Variants in CCDC148 observed in about 807,000 individuals in gnomAD.
The protein encoded by CCDC148 is coiled-coil domain-containing protein 148.
A neutral mutation model predicts 85.7 loss-of-function variants in CCDC148; 89 were observed. The observed-to-expected ratio is 1.04, with a 90% CI of 0.87 to 1.24. The LOEUF (loss-of-function observed/expected upper bound fraction) is 1.24, where lower values mean the gene tolerates loss of function less well. CCDC148 is among the 50% of genes most tolerant of loss of function. The probability of loss-of-function intolerance (pLI) is 0.00; values close to 1 mark genes in which losing one functional copy is unlikely to be tolerated. For synonymous variants in CCDC148, 230 were observed against 213.9 expected (o/e 1.08, Z -0.66); for missense variants, 692 against 671.7 (o/e 1.03, Z -0.33).
At chr2:158,196,378 G>A (rs1167299621) in intron 11 of CCDC148, among the ~76,000 whole-genome samples, 3 of 152,036 alleles carry the variant, frequency 2.0e-5, no homozygotes, top group Non-Finnish European at 4.4e-5. Flanking sequence ...AGGCTATGGT[G>A]GGATATTTAC....
chr2:158,211,371 G>C (rs1036461770), intron 11 of CCDC148, among the ~76,000 whole-genome samples: 18 of 152,208 alleles, frequency 1.2e-4, no homozygotes, highest in Non-Finnish European at 2.4e-4. Flanking sequence ...TCAATTCATT[G>C]ACACATACAT....
chr2:158,442,724 T>G (rs1034673064), intron 1 of CCDC148, among the ~76,000 whole-genome samples: 1 of 152,252 alleles, frequency 6.6e-6, no homozygotes, highest in Non-Finnish European at 1.5e-5. Context: ...TCTTCCAGCC[T>G]GCGCTGAAGT....
At chr2:158,302,513 C>T (rs1425003305) in intron 9 of CCDC148, among the ~76,000 whole-genome samples, 2 of 152,094 alleles carry the variant, frequency 1.3e-5, no homozygotes, top group African/African-American at 4.8e-5. Flanking sequence ...GGGCCGGGAG[C>T]GGTGGCTCAC....
chr2:158,444,979 G>C (rs912487217), intron 1 of CCDC148, among the ~76,000 whole-genome samples: 10 of 151,980 alleles, frequency 6.6e-5, no homozygotes, highest in African/African-American at 2.4e-4. Context: ...TAAACTCTTA[G>C]ATACAGAAGC....
At position 158,172,203 on chromosome 2, in the gene CCDC148, AT is replaced by A; in HGVS notation, c.1685del (p.His562LeufsTer45). 1 of 1,609,818 alleles carries A rather than the reference AT, an allele frequency of 6.2e-7. No individual in the cohort carries two copies. The highest frequency in any genetic ancestry group is 8.5e-7 in the Non-Finnish European group (1 of 1,177,740). Reference protein sequence around the residue: ...FELALREAGLHRTLYAKEILP... With the variant: ...FELALREAGLXRTLYAKEILP... ...ATATCTCTTTAGCATAAAGTGTTCT[AT>A]GAAGTCCAGCTTCTCGAAGTGCTAA... On this transcript the variant is annotated frameshift_variant, in exon 14 of 14. Coordinates refer to ENST00000283233, the MANE Select transcript of CCDC148 (RefSeq NM_138803.4). LOFTEE classifies it high-confidence loss of function.
chr2:158,216,310 A>T (rs891255159), intron 11 of CCDC148, among the ~76,000 whole-genome samples: 10 of 151,648 alleles, frequency 6.6e-5, no homozygotes, highest in South Asian at 4.2e-4. Flanking sequence ...AAATATTTTT[A>T]AAAATATTCA....
Position 158,340,242 on chromosome 2 carries a change from C to T in CCDC148, c.486G>A (p.Glu162=). The part of the protein sequence containing the change: ...IEFNSMKVLE[E]VDFVKKQLKT... The stretch of plus-strand genomic sequence containing the variant: ...TGGAAAATAAAGGTAACATACTAAC[C>T]TCTTCCAATACTTTCATGGAGTTAA... The change falls in exon 5 of 14, where the codon GAG becomes GAA. Residue 162 remains glutamate, a splice_region_variant and synonymous_variant. Transcript: ENST00000283233. 9.9e-6 allele frequency: 16 copies of T among 1,613,004 alleles called. No homozygotes were observed. The highest frequency in any genetic ancestry group is 1.4e-5 in the Non-Finnish European group (16 of 1,179,524).
chr2:158,299,948 G>A (rs960636437), intron 9 of CCDC148, among the ~76,000 whole-genome samples: 13 of 152,162 alleles, frequency 8.5e-5, no homozygotes, highest in Non-Finnish European at 1.8e-4. Flanking sequence ...CTTCTTGACT[G>A]GGTCATACAA....
At chr2:158,380,989 A>G (rs765121936) in intron 1 of CCDC148, 2 of 152,192 alleles carry the variant, frequency 1.3e-5, no homozygotes, top group African/African-American at 4.8e-5. Context: ...TGCAGATCTA[A>G]ATGTGAAAGA....
At chr2:158,450,315 C>T (rs1410808455) in intron 1 of CCDC148, among the ~76,000 whole-genome samples, 2 of 152,222 alleles carry the variant, frequency 1.3e-5, no homozygotes, top group Non-Finnish European at 2.9e-5. Context: ...TTTAGAAGAA[C>T]TTCAGATCTA....
chr2:158,219,453 G>A (rs997573052), intron 11 of CCDC148, among the ~76,000 whole-genome samples: 19 of 152,118 alleles, frequency 1.2e-4, no homozygotes, highest in Admixed American at 2.6e-4. Flanking sequence ...TGTCAGAAAA[G>A]GCTGCTTGAA....
chr2:158,234,366 T>G (rs1174730324), intron 10 of CCDC148, among the ~76,000 whole-genome samples: 1 of 152,328 alleles, frequency 6.6e-6, no homozygotes. Context: ...TAAAACTGTT[T>G]GCGTTTCAGC....
At chr2:158,283,807 C>T (rs370460864) in intron 9 of CCDC148, among the ~76,000 whole-genome samples, 1 of 151,902 alleles carries the variant, frequency 6.6e-6, no homozygotes, top group South Asian at 2.1e-4. Context: ...AATCATGCTG[C>T]TATAAAGACA....
chr2:158,380,654 G>A (rs986514786), intron 1 of CCDC148, among the ~76,000 whole-genome samples: 2 of 152,126 alleles, frequency 1.3e-5, no homozygotes, highest in East Asian at 1.9e-4. Flanking sequence ...CAAAGGACAA[G>A]GATAGCCAAG....
chr2:158,386,130 G>A (rs1293128942), intron 1 of CCDC148, among the ~76,000 whole-genome samples: 4 of 152,200 alleles, frequency 2.6e-5, no homozygotes, highest in Non-Finnish European at 5.9e-5. Context: ...GGGGCAGTGC[G>A]GGGAGTTGAT....
At chr2:158,220,473 T>C (rs1202525027) in intron 11 of CCDC148, 122 bp downstream of exon 11, 2 of 659,218 alleles carry the variant, frequency 3.0e-6, no homozygotes, top group Non-Finnish European at 5.2e-6. Flanking sequence ...TTTGTGAATA[T>C]AAATATTGAA....
At chr2:158,365,025 G>A (rs889613583) in intron 1 of CCDC148, among the ~76,000 whole-genome samples, 1 of 152,130 alleles carries the variant, frequency 6.6e-6, no homozygotes, top group African/African-American at 2.4e-5. Context: ...CTGAAAAGAA[G>A]ACATTTATGC....
intron 9 of CCDC148, among the ~76,000 whole-genome samples, chr2:158,267,773 A>C (rs1012729844): frequency 6.6e-6 from 1 of 152,132 alleles, no homozygotes; most frequent in Admixed American, 6.6e-5. Flanking sequence ...CTCACGATAC[A>C]GTGGCTTCAG....
chr2:158,180,983 A>C (rs1280315704), intron 11 of CCDC148, among the ~76,000 whole-genome samples: 1 of 152,136 alleles, frequency 6.6e-6, no homozygotes, highest in East Asian at 1.9e-4. Flanking sequence ...TGTCATGGAA[A>C]GCTCTATTTC....
Sources: allele counts gnomAD v4.1 joint callset (sites outside exome capture counted in the v4.1 genomes callset), GRCh38; gene constraint gnomAD v4.1.1; transcripts MANE v1.5; gene names NCBI Gene and HGNC (gene_info 2026-07-23, HGNC 2026-07-21).